GRID2: variants seen among roughly 807,000 people sequenced by gnomAD.
The protein encoded by GRID2 is glutamate ionotropic receptor delta type subunit 2, also known as glutamate receptor ionotropic, delta-2.
In GRID2, 33 loss-of-function variants were observed where a neutral mutation model predicts 114.8. The observed-to-expected ratio is 0.29, with a 90% CI of 0.22 to 0.38. The LOEUF is 0.38. Among genes scored for constraint, GRID2 ranks in the 10% least tolerant of loss-of-function variants. The pLI is 1.00. For synonymous variants in GRID2, 505 were observed against 449.9 expected (o/e 1.12, Z -1.55); for missense variants, 1,184 against 1,257.7 (o/e 0.94, Z 0.89).
rs528829824 is a variant in GRID2, at chr4:93,051,574, G to A, written c.245-33421G>A. 4.7e-4 allele frequency among the ~76,000 whole-genome samples: 71 copies of A among 152,072 alleles called. 1 individual carries two copies. Among genetic ancestry groups the A allele is most frequent in the African/African-American group, 1.7e-3 (70 of 41,518 alleles). On this transcript the variant is annotated intron_variant, in intron 2 of 15. Transcript: ENST00000282020. ...AAAAACATAAGCATTGAAAAGTTCG[G>A]TAACTTGTCTGAGATCGCTGAAGAA...
intron 14 of GRID2, among the ~76,000 whole-genome samples, chr4:93,756,851 G>T (rs1333922363): frequency 6.6e-6 from 1 of 152,216 alleles, no homozygotes; most frequent in East Asian, 1.9e-4. Flanking sequence ...GTGGTGTAAT[G>T]AATAGGATGA....
At chr4:93,275,902 G>T (rs983360207) in intron 8 of GRID2, among the ~76,000 whole-genome samples, 8 of 151,618 alleles carry the variant, frequency 5.3e-5, no homozygotes, top group African/African-American at 1.9e-4. Context: ...AATATTTTCT[G>T]CCCCCCTCTG....
At chr4:92,913,837 A>C (rs41518253) in intron 2 of GRID2, among the ~76,000 whole-genome samples, 2,265 of 152,164 alleles carry the variant, frequency 0.015, 21 homozygotes, top group East Asian at 0.054. Context: ...CTCAAATTCT[A>C]TAAAAGGAAA....
chr4:93,048,035 A>G (rs969133744), intron 2 of GRID2, among the ~76,000 whole-genome samples: 2 of 152,064 alleles, frequency 1.3e-5, no homozygotes, highest in Non-Finnish European at 2.9e-5. Flanking sequence ...CACAAAGTAT[A>G]TTGATGGCCC....
intron 8 of GRID2, among the ~76,000 whole-genome samples, chr4:93,304,210 A>C (rs1042229723): frequency 3.2e-4 from 3 of 9,380 alleles, no homozygotes; most frequent in African/African-American, 1.2e-3. Context: ...TTTAAAATCG[A>C]GAACTATTTT....
chr4:92,995,510 T>C (rs1332934661), intron 2 of GRID2, among the ~76,000 whole-genome samples: 1 of 152,224 alleles, frequency 6.6e-6, no homozygotes, highest in African/African-American at 2.4e-5. Context: ...GGAATTTTAA[T>C]ATATCTTGAA....
intron 8 of GRID2, among the ~76,000 whole-genome samples, chr4:93,316,458 T>A (rs753784885): frequency 7.2e-5 from 11 of 152,014 alleles, no homozygotes; most frequent in Admixed American, 2.0e-4. Context: ...GTCATCAGTG[T>A]ATTAGGAAAT....
At chr4:93,168,686 A>C (rs1037406319) in intron 4 of GRID2, among the ~76,000 whole-genome samples, 1 of 152,172 alleles carries the variant, frequency 6.6e-6, no homozygotes, top group Non-Finnish European at 1.5e-5. Context: ...GCTTCAACTT[A>C]AGATCTTACA....
At chr4:93,491,113 A>G (rs1580231820) in intron 12 of GRID2, among the ~76,000 whole-genome samples, 2 of 152,098 alleles carry the variant, frequency 1.3e-5, no homozygotes, top group African/African-American at 2.4e-5. Flanking sequence ...AAAGAGTCAT[A>G]CTTAAAAGGA....
chr4:92,696,822 A>G (rs1169665823), intron 2 of GRID2, among the ~76,000 whole-genome samples: 3 of 152,284 alleles, frequency 2.0e-5, no homozygotes, highest in East Asian at 3.9e-4. Context: ...AGGATATTCT[A>G]CTACTGTGAA....
chr4:92,666,650 G>GTTTTTTTTTTTTTTTTTTTTTTTTTTT (rs70942922), intron 2 of GRID2, among the ~76,000 whole-genome samples: 18 of 68,596 alleles, frequency 2.6e-4, no homozygotes, highest in Non-Finnish European at 4.2e-4. Context: ...CTTAAGGGTT[G>GTTTTTTTTTTTTTTTTTTTTTTTTTTT]TTTTTTTTTT....
At chr4:92,546,409 A>G (rs1726263383) in intron 1 of GRID2, among the ~76,000 whole-genome samples, 1 of 152,184 alleles carries the variant, frequency 6.6e-6, no homozygotes, top group South Asian at 2.1e-4. Flanking sequence ...GCAACGGCCC[A>G]TAAAAAGAGT....
chr4:92,917,520 C>A (rs1047977371), intron 2 of GRID2, among the ~76,000 whole-genome samples: 1 of 152,128 alleles, frequency 6.6e-6, no homozygotes, highest in Non-Finnish European at 1.5e-5. Context: ...TTTAATCGAT[C>A]TTGAATTAAT....
At chr4:93,411,372 A>C (rs1351403259) in intron 9 of GRID2, among the ~76,000 whole-genome samples, 1 of 152,094 alleles carries the variant, frequency 6.6e-6, no homozygotes. Context: ...TCAAAAATGT[A>C]GCTTTGTACA....
At chr4:92,992,810 G>A (rs1242279044) in intron 2 of GRID2, among the ~76,000 whole-genome samples, 1 of 152,080 alleles carries the variant, frequency 6.6e-6, no homozygotes, top group East Asian at 1.9e-4. Context: ...TATTTGAGAT[G>A]CCTTTCAGAA....
chr4:93,143,687 C>G (rs527969695), intron 4 of GRID2, among the ~76,000 whole-genome samples: 3 of 152,222 alleles, frequency 2.0e-5, no homozygotes, highest in Admixed American at 1.3e-4. Context: ...TATTTAATGA[C>G]TAAATTTTCA....
chr4:93,096,437 C>T (rs10440373), intron 3 of GRID2, among the ~76,000 whole-genome samples: 50,162 of 151,626 alleles, frequency 0.33, 8,655 homozygotes, highest in Admixed American at 0.5. Context: ...AACATAGATC[C>T]GAAAAACGTA....
At chr4:92,304,966 G>T (rs1725299045) in intron 1 of GRID2, among the ~76,000 whole-genome samples, 1 of 152,176 alleles carries the variant, frequency 6.6e-6, no homozygotes. Flanking sequence ...GTGATTCGTG[G>T]AATGTGGCTG....
intron 13 of GRID2, among the ~76,000 whole-genome samples, chr4:93,539,756 G>C (rs1732466195): frequency 1.3e-5 from 2 of 151,894 alleles, no homozygotes; most frequent in Non-Finnish European, 2.9e-5. Context: ...ATTGTTCCAT[G>C]GTATCTAATA....
Sources: allele counts gnomAD v4.1 joint callset (sites outside exome capture counted in the v4.1 genomes callset), GRCh38; gene constraint gnomAD v4.1.1; transcripts MANE v1.5; gene names NCBI Gene and HGNC (gene_info 2026-07-23, HGNC 2026-07-21).